The following SPEN variants were observed in gnomAD, a reference collection of about 807,000 sequenced individuals.
The protein encoded by SPEN is msx2-interacting protein.
Under a neutral mutation model 269.9 loss-of-function variants are expected in SPEN, and 18 were observed. That is an observed-to-expected ratio of 0.07 (90% CI 0.05 to 0.10). The LOEUF (loss-of-function observed/expected upper bound fraction) is 0.10, where lower values mean the gene tolerates loss of function less well. SPEN is among the 10% of genes least tolerant of loss of function. SPEN has a pLI of 1.00. For missense variants in SPEN, 3,822 were observed against 4,631.2 expected (o/e 0.83, Z 5.07); for synonymous variants, 1,726 against 1,765.7 (o/e 0.98, Z 0.56).
intron 3 of SPEN, among the ~76,000 whole-genome samples, chr1:15,895,071 T>G (rs1272279614): frequency 6.6e-6 from 1 of 152,130 alleles, no homozygotes; most frequent in East Asian, 1.9e-4. Flanking sequence ...TATAGGTATG[T>G]GCCACCACGC....
intron 3 of SPEN, among the ~76,000 whole-genome samples, chr1:15,892,476 A>C (rs2070799768): frequency 1.3e-5 from 2 of 152,204 alleles, no homozygotes; most frequent in African/African-American, 4.8e-5. Flanking sequence ...ATTTTGTTTA[A>C]AGACAAATAG....
chr1:15,866,519 A>C (rs1041108443), intron 1 of SPEN, among the ~76,000 whole-genome samples: 1 of 151,816 alleles, frequency 6.6e-6, no homozygotes, highest in Admixed American at 6.6e-5. Context: ...ACACCTGACT[A>C]ATTTTTTGTA....
rs1180521221 is a variant in SPEN at position 15,932,588 on chromosome 1, G to A, written c.6348G>A (p.Val2116=). ...AGGCAGGGGAGAGGGAATCTGGGGTGGTGGCAGTCTCCCCTGAGAAAAGTG... is the reference window on the plus strand; with the variant it reads ...AGGCAGGGGAGAGGGAATCTGGGGTAGTGGCAGTCTCCCCTGAGAAAAGTG... The part of the protein sequence containing the change: ...AAQAGERESG[V]VAVSPEKSES... Residue 2116 remains valine (V), a synonymous_variant, in exon 11 of 15, where the codon GTG becomes GTA. Coordinates refer to ENST00000375759, the MANE Select transcript of SPEN (RefSeq NM_015001.3). This position sits in a 1 kb window ranked among gnomAD's most constrained non-coding sequence, Gnocchi z 4.2. 2 of 1,603,704 alleles carry A rather than the reference G, an allele frequency of 1.2e-6. No individual in the cohort carries two copies. The highest frequency in any genetic ancestry group is 2.7e-5 in the African/African-American group (2 of 74,560).
At position 15,934,382 on chromosome 1, in the gene SPEN, G is replaced by A. The variant is rs749056633; in HGVS notation, c.8142G>A (p.Thr2714=). 20 of 1,613,592 alleles carry A rather than the reference G, an allele frequency of 1.2e-5. No individual in the cohort carries two copies. In the South Asian group the frequency reaches 1.5e-4, roughly 12 times the overall value. Residue 2714 remains threonine (T), a synonymous_variant, in exon 11 of 15, where the codon ACG becomes ACA. Coordinates refer to ENST00000375759, the MANE Select transcript of SPEN (RefSeq NM_015001.3). The surrounding 1 kb of genome is among the most constrained non-coding windows in gnomAD (Gnocchi z 9.2). The stretch of plus-strand genomic sequence containing the variant: ...TTCTCACCACTCCAGTGAACGCCAC[G>A]GTGGGCACAGTGAATGCCGCCCCAG... ...VNVLTTPVNA[T]VGTVNAAPGT...
chr1:15,928,128 C>G lies in SPEN; in HGVS notation c.1888C>G (p.Arg630Gly), dbSNP rs749814808. 6.2e-7 allele frequency: 1 copy of G among 1,613,630 alleles called. No individual in the cohort carries two copies. The highest frequency in any genetic ancestry group is 8.5e-7 in the Non-Finnish European group (1 of 1,179,818). ...RRASYDYNQD[R>G]TYYESVRTPG... ...GGCATCCTACGACTATAACCAAGATCGTACATATTATGAGAGTGTTCGAAC... is the reference window on the plus strand; with the variant it reads ...GGCATCCTACGACTATAACCAAGATGGTACATATTATGAGAGTGTTCGAAC... The change falls in exon 11 of 15, where the codon CGT (arginine) becomes GGT (glycine). Residue 630 changes from arginine (R) to glycine (G), a missense_variant. Physicochemically the swap from Arg to Gly is moderately radical, Grantham distance 125. Around this residue, in one of 16 missense-constraint regions of SPEN, gnomAD observed 230 missense variants for 426.1 expected, o/e 0.54. Coordinates refer to ENST00000375759, the MANE Select transcript of SPEN (RefSeq NM_015001.3). The surrounding 1 kb of genome is among the most constrained non-coding windows in gnomAD (Gnocchi z 5.7).
rs763026783 is a variant in SPEN, at chr1:15,929,492, A to G, written c.3252A>G (p.Leu1084=). The G allele has an allele frequency of 1.2e-6, 2 of 1,613,244 alleles. No homozygotes were observed. Among genetic ancestry groups the G allele is most frequent in the East Asian group, 2.2e-5 (1 of 44,894 alleles). ...VGSGSRPSSD[L]QARLGELAGE... is the part of the protein sequence containing the mutation. ...CTGGCTCAAGGCCCAGCTCAGACCT[A>G]CAAGCAAGACTGGGAGAACTAGCAG... The change falls in exon 11 of 15, where the codon CTA becomes CTG. Residue 1084 remains leucine, a synonymous_variant. Coordinates refer to ENST00000375759, the MANE Select transcript of SPEN (RefSeq NM_015001.3). The surrounding 1 kb of genome is among the most constrained non-coding windows in gnomAD (Gnocchi z 5.8).
At chr1:15,899,533 CAG>C (rs1292230709) in intron 3 of SPEN, among the ~76,000 whole-genome samples, 2 of 128,660 alleles carry the variant, frequency 1.6e-5, no homozygotes, top group East Asian at 2.2e-4. Flanking sequence ...TATCATGTGG[CAG>C]AGTTTTTTTT....
intron 1 of SPEN, among the ~76,000 whole-genome samples, chr1:15,857,196 C>G (rs1237790696): frequency 1.3e-5 from 2 of 151,968 alleles, no homozygotes; most frequent in African/African-American, 4.8e-5. Flanking sequence ...TTCCAAGTAG[C>G]TAGGACTACA....
At chr1:15,888,922 G>T (rs994117473) in intron 3 of SPEN, among the ~76,000 whole-genome samples, 5 of 152,120 alleles carry the variant, frequency 3.3e-5, no homozygotes, top group Admixed American at 3.3e-4. Context: ...GAACCACTGC[G>T]CCCGGCCAAT....
chr1:15,891,167 A>G (rs2070784208), intron 3 of SPEN, among the ~76,000 whole-genome samples: 1 of 152,174 alleles, frequency 6.6e-6, no homozygotes, highest in South Asian at 2.1e-4. Context: ...TTAGAGGTTT[A>G]GCACATTTGG....
chr1:15,912,622 A>G (rs1438747163), intron 5 of SPEN, among the ~76,000 whole-genome samples: 2 of 152,188 alleles, frequency 1.3e-5, no homozygotes, highest in African/African-American at 4.8e-5. Flanking sequence ...CTGTGATGTT[A>G]CAATGAAACA....
chr1:15,922,934 A>G (rs1240216477), intron 10 of SPEN, among the ~76,000 whole-genome samples: 2 of 152,212 alleles, frequency 1.3e-5, no homozygotes, highest in Non-Finnish European at 2.9e-5. Context: ...ACCATTAATC[A>G]TAAATACAAA....
rs201854272 is a variant in SPEN at position 15,934,994 on chromosome 1, G to A, written c.8754G>A (p.Ser2918=). The A allele has an allele frequency of 1.8e-4, 289 of 1,613,830 alleles. No individual in the cohort carries two copies. The East Asian group carries it at 5.6e-3, about 31-fold the overall frequency. Reference sequence around the variant, plus strand: ...AGAAGCCCGAGCCCATTCACCTCTCGGTGTCCACGCCTGTCACCCAGGGAG... The same window carrying A: ...AGAAGCCCGAGCCCATTCACCTCTCAGTGTCCACGCCTGTCACCCAGGGAG... The part of the protein sequence containing the change: ...SLEKPEPIHL[S]VSTPVTQGGT... Residue 2918 remains serine (S), a synonymous_variant, in exon 11 of 15, where the codon TCG becomes TCA. Coordinates refer to ENST00000375759, the MANE Select transcript of SPEN (RefSeq NM_015001.3). The surrounding 1 kb of genome is among the most constrained non-coding windows in gnomAD (Gnocchi z 9.2).
In SPEN at chr1:15,873,190, CAG is replaced by C. The variant is rs2148710822; in HGVS notation, c.404+56_404+57del. 3 of 1,514,704 alleles carry C rather than the reference CAG, an allele frequency of 2.0e-6. No individual in the cohort carries two copies. The South Asian group carries it at 3.9e-5, about 20-fold the overall frequency. The allele number at this position is 1,514,704 out of a possible 1,614,324, so 93.8% of individuals were successfully genotyped here. A position where few individuals can be genotyped will look rare whatever the true frequency, so the allele number is the denominator to read the frequency against. ...ATTTTGTATTTGATATGGTGAGAAA[CAG>C]AAACTCATATTTAGGGGCCCCAGAT... On this transcript the variant is annotated intron_variant, in intron 2 of 14. Coordinates refer to ENST00000375759, the MANE Select transcript of SPEN (RefSeq NM_015001.3).
In SPEN at chr1:15,848,202, GC is replaced by G; in HGVS notation, c.83+56del. 3.0e-6 allele frequency: 4 copies of G among 1,319,610 alleles called. No individual in the cohort carries two copies. Among genetic ancestry groups the G allele is most frequent in the South Asian group, 1.5e-5 (1 of 67,404 alleles). 81.7% of individuals were successfully genotyped at this position (1,319,610 alleles called of 1,614,324 possible). On this transcript the variant is annotated intron_variant, in intron 1 of 14. Coordinates refer to ENST00000375759, the MANE Select transcript of SPEN (RefSeq NM_015001.3). The surrounding 1 kb of genome is among the most constrained non-coding windows in gnomAD (Gnocchi z 5.1). ...GCTCGCTCCTCGGGCGCCGCTTCCC[GC>G]CCCGGCCCGTTGCCGGCCCCTCCCG...
Position 15,848,132 on chromosome 1 carries a change from T to G in SPEN, c.65T>G (p.Ile22Ser). 6.7e-7 allele frequency: 1 copy of G among 1,494,704 alleles called. No individual in the cohort carries two copies. Among genetic ancestry groups the G allele is most frequent in the Non-Finnish European group, 9.0e-7 (1 of 1,113,824 alleles). The allele number at this position is 1,494,704 out of a possible 1,614,324, so 92.6% of individuals were successfully genotyped here. The change falls in exon 1 of 15, where the codon ATC becomes AGC. Residue 22 changes from isoleucine (I) to serine (S), a missense_variant. Around this residue, in one of 16 missense-constraint regions of SPEN, gnomAD observed 51 missense variants for 56.1 expected, o/e 0.91. Transcript: ENST00000375759. The surrounding 1 kb of genome is among the most constrained non-coding windows in gnomAD (Gnocchi z 5.1). ...NLPENVREEK[I>S]IEHFKRYGRV... ...CCCGAGAACGTGCGGGAAGAGAAGA[T>G]CATCGAGCATTTCAAACGGTGAGTG...
At chr1:15,938,565 C>CTTTTTTTTTTTTTTTTTTTTTTT (rs200567875) in intron 13 of SPEN, 153 bp from the exon 14 acceptor site, 1 of 234,758 alleles carries the variant, frequency 4.3e-6, no homozygotes, top group African/African-American at 3.2e-5. Flanking sequence ...TGAAAAAAAG[C>CTTTTTTTTTTTTTTTTTTTTTTT]TTTTTTTTTT....
chr1:15,891,394 C>T (rs1478324475), intron 3 of SPEN, among the ~76,000 whole-genome samples: 1 of 151,404 alleles, frequency 6.6e-6, no homozygotes, highest in Non-Finnish European at 1.5e-5. Context: ...CTCTGTCGCC[C>T]AGGCTGGAGT....
At position 15,934,521 on chromosome 1, in the gene SPEN, A is replaced by G; in HGVS notation, c.8281A>G (p.Thr2761Ala). The G allele has an allele frequency of 6.2e-7, 1 of 1,614,128 alleles. No individual in the cohort carries two copies. ...GGVTATTGTV[T>A]MAGAVIAPST... is the part of the protein sequence containing the mutation. ...TGTAACGGCCACAACAGGCACGGTGACAATGGCAGGGGCAGTGATTGCGCC... is the reference window on the plus strand; with the variant it reads ...TGTAACGGCCACAACAGGCACGGTGGCAATGGCAGGGGCAGTGATTGCGCC... Residue 2761 changes from threonine (T) to alanine (A), a missense_variant, in exon 11 of 15, where the codon ACA becomes GCA. Coordinates refer to ENST00000375759, the MANE Select transcript of SPEN (RefSeq NM_015001.3). This position sits in a 1 kb window ranked among gnomAD's most constrained non-coding sequence, Gnocchi z 9.2.
Sources: allele counts gnomAD v4.1 joint callset (sites outside exome capture counted in the v4.1 genomes callset), GRCh38; gene constraint gnomAD v4.1.1; regional missense constraint gnomAD v4.1.1; non-coding constraint Gnocchi (gnomAD v3.1); transcripts MANE v1.5; gene names NCBI Gene and HGNC (gene_info 2026-07-23, HGNC 2026-07-21).